CREBBP: variants seen among roughly 807,000 people sequenced by gnomAD.
The protein encoded by CREBBP is CREB binding lysine acetyltransferase.
A neutral mutation model predicts 265.0 loss-of-function variants in CREBBP; 19 were observed. The observed-to-expected ratio is 0.07, with a 90% CI of 0.05 to 0.11. The LOEUF is 0.11. Among genes scored for constraint, CREBBP ranks in the 10% least tolerant of loss-of-function variants. CREBBP has a pLI of 1.00. For missense variants in CREBBP, 2,525 were observed against 3,219.0 expected (o/e 0.78, Z 5.22); for synonymous variants, 1,457 against 1,223.7 (o/e 1.19, Z -3.98).
At chr16:3,801,872 G>A (rs1242112201) in intron 3 of CREBBP, among the ~76,000 whole-genome samples, 2 of 152,062 alleles carry the variant, frequency 1.3e-5, no homozygotes, top group African/African-American at 4.8e-5. Flanking sequence ...TATGGTGTGA[G>A]AGCCATACTG....
intron 2 of CREBBP, among the ~76,000 whole-genome samples, chr16:3,816,913 C>T (rs768488299): frequency 2.4e-4 from 37 of 152,116 alleles, no homozygotes; most frequent in East Asian, 5.8e-4. Context: ...CAAAGAACCA[C>T]GAACAAGTGA....
In CREBBP at chr16:3,769,065, T is replaced by A. The variant is rs129997; in HGVS notation, c.3060+109A>T. 9.6e-3 allele frequency: 12,149 copies of A among 1,265,506 alleles called. 766 individuals carry two copies. The African/African-American group carries it at 0.15, about 16-fold the overall frequency. 78.4% of individuals were successfully genotyped at this position (1,265,506 alleles called of 1,614,324 possible). On this transcript the variant is annotated intron_variant, in intron 15 of 30. Coordinates refer to ENST00000262367, the MANE Select transcript of CREBBP (RefSeq NM_004380.3). ...ACCCCGAACCCACATTCAAACAGAA[T>A]ATTTTAACTAAAGTCAGGGATACCC...
chr16:3,749,481 CTA>C, intron 21 of CREBBP, 144 bp downstream of exon 21: 1 of 618,280 alleles, frequency 1.6e-6, no homozygotes, highest in East Asian at 2.8e-5. Context: ...TAAAAGAAAT[CTA>C]TATCTAAAAG....
At chr16:3,766,873 CACA>C (rs1421218789) in intron 16 of CREBBP, among the ~76,000 whole-genome samples, 2 of 152,122 alleles carry the variant, frequency 1.3e-5, no homozygotes, top group African/African-American at 2.4e-5. Context: ...AGATAATCCA[CACA>C]ACAACTCTCT....
At chr16:3,753,126 G>A (rs540061762) in intron 19 of CREBBP, among the ~76,000 whole-genome samples, 23 of 152,180 alleles carry the variant, frequency 1.5e-4, no homozygotes, top group Non-Finnish European at 3.2e-4. Context: ...AGTGCGACAG[G>A]ACTCGAGCGC....
At chr16:3,764,184 G>A (rs1216371661) in intron 16 of CREBBP, among the ~76,000 whole-genome samples, 4 of 152,080 alleles carry the variant, frequency 2.6e-5, no homozygotes, top group Admixed American at 6.5e-5. Context: ...TGTTGCCCAG[G>A]CTGGCTTGAA....
At chr16:3,801,059 C>G (rs561281011) in intron 3 of CREBBP, among the ~76,000 whole-genome samples, 5 of 152,116 alleles carry the variant, frequency 3.3e-5, no homozygotes, top group African/African-American at 1.2e-4. Flanking sequence ...CACACATCCC[C>G]GAGGGAAGAG....
chr16:3,829,075 T>C (rs2054293699), intron 2 of CREBBP, among the ~76,000 whole-genome samples: 1 of 152,090 alleles, frequency 6.6e-6, no homozygotes, highest in Admixed American at 6.6e-5. Context: ...AAAAATTACA[T>C]GGTAATCAAC....
rs932933039 is a variant in CREBBP, at chr16:3,729,806, C to T, written c.5241G>A (p.Leu1747=). 7 of 1,605,734 alleles carry T rather than the reference C, an allele frequency of 4.4e-6. No individual in the cohort carries two copies. The South Asian group carries it at 4.4e-5, about 10-fold the overall frequency. ...SHAHKMVKWG[L]GLDDEGSSQG... is the part of the protein sequence containing the mutation. ...GGCTGCTGCCCTCGTCATCCAGGCC[C>T]AGCCCCCACTTCACCATCTTATGGG... The change falls in exon 31 of 31, where the codon CTG becomes CTA. Residue 1747 remains leucine, a synonymous_variant. Transcript: ENST00000262367.
In CREBBP at chr16:3,774,552, C is replaced by T. The variant is rs540629696; in HGVS notation, c.2283+17G>A. 25 of 1,613,826 alleles carry T rather than the reference C, an allele frequency of 1.5e-5. No individual in the cohort carries two copies. The highest frequency in any genetic ancestry group is 4.0e-5 in the African/African-American group (3 of 74,908). ...AGAGGGAGGGCTATCTGCAGCACAGCGAAAGAGAACACTTACCCCTGGCAC... is the reference window on the plus strand; with the variant it reads ...AGAGGGAGGGCTATCTGCAGCACAGTGAAAGAGAACACTTACCCCTGGCAC... On this transcript the variant is annotated intron_variant, in intron 12 of 30. Transcript: ENST00000262367.
intron 26 of CREBBP, among the ~76,000 whole-genome samples, chr16:3,737,838 G>A (rs1368147641): frequency 1.3e-5 from 2 of 151,542 alleles, no homozygotes; most frequent in East Asian, 3.9e-4. Context: ...CCAGGCTGGA[G>A]TGCAGTGGCA....
chr16:3,847,288 T>C (rs1488239335), intron 2 of CREBBP, among the ~76,000 whole-genome samples: 3 of 152,242 alleles, frequency 2.0e-5, no homozygotes, highest in Non-Finnish European at 4.4e-5. Flanking sequence ...ACTATTTTAA[T>C]TATTTCATAG....
chr16:3,834,783 G>A (rs547664250), intron 2 of CREBBP, among the ~76,000 whole-genome samples: 1 of 152,150 alleles, frequency 6.6e-6, no homozygotes, highest in African/African-American at 2.4e-5. Context: ...TGAACTAGGA[G>A]AACAGGGAAT....
chr16:3,798,860 C>T lies in CREBBP; in HGVS notation c.976-5234G>A, dbSNP rs73501798. ...TACAACCAAAAGAACTGAAAATGCA[C>T]GTTCACACGAAAACTGTAAAAAATG... On this transcript the variant is annotated intron_variant, in intron 3 of 30. Coordinates refer to ENST00000262367, the MANE Select transcript of CREBBP (RefSeq NM_004380.3). 2.0e-3 allele frequency among the ~76,000 whole-genome samples: 304 copies of T among 152,216 alleles called. 1 individual carries two copies. The highest frequency in any genetic ancestry group is 7.0e-3 in the African/African-American group (292 of 41,542).
At chr16:3,849,451 GTGTGTGTGTGT>G (rs2141484012) in intron 2 of CREBBP, among the ~76,000 whole-genome samples, 1 of 64,344 alleles carries the variant, frequency 1.6e-5, no homozygotes, top group East Asian at 5.2e-4. Context: ...GTGTGTGTGT[GTGTGTGTGTGT>G]GTGTGTGTGT....
At position 3,780,676 on chromosome 16, in the gene CREBBP, A is replaced by G. The variant is rs571808319; in HGVS notation, c.1823+56T>C. ...CTAGGGTACTGTCATCTGGTAGCCA[A>G]TGGGCAACACAGGAATAAAATCAAA... On this transcript the variant is annotated intron_variant, in intron 8 of 30. Transcript: ENST00000262367. 3.6e-5 allele frequency: 58 copies of G among 1,594,446 alleles called. No homozygotes were observed. In the African/African-American group the frequency reaches 6.7e-4, roughly 18 times the overall value.
At chr16:3,863,485 C>T (rs1008910268) in intron 1 of CREBBP, among the ~76,000 whole-genome samples, 1 of 152,050 alleles carries the variant, frequency 6.6e-6, no homozygotes, top group African/African-American at 2.4e-5. Flanking sequence ...TGCCTGTAAT[C>T]CTAGCTACCT....
chr16:3,781,001 G>T, intron 7 of CREBBP, 123 bp from the exon 8 acceptor site: 1 of 1,187,084 alleles, frequency 8.4e-7, no homozygotes, highest in Admixed American at 2.0e-5. Flanking sequence ...GCCAAGTGAT[G>T]TAAATAAATA....
intron 2 of CREBBP, among the ~76,000 whole-genome samples, chr16:3,825,831 T>G (rs2054226289): frequency 6.6e-6 from 1 of 152,244 alleles, no homozygotes; most frequent in Non-Finnish European, 1.5e-5. Flanking sequence ...GAGAAAACTG[T>G]AACGGAAAAA....
Sources: gnomAD v4.1 joint callset for allele counts (sites outside exome capture counted in the v4.1 genomes callset) on GRCh38, gnomAD v4.1.1 for gene constraint, MANE v1.5 for transcripts, NCBI Gene and HGNC (gene_info 2026-07-23, HGNC 2026-07-21) for gene names.